Variants in ZNF536 observed in about 807,000 individuals in gnomAD.
ZNF536 encodes zinc finger protein 536.
Under a neutral mutation model 84.5 loss-of-function variants are expected in ZNF536, and 13 were observed. That is an observed-to-expected ratio of 0.15 (90% CI 0.10 to 0.24). The LOEUF (loss-of-function observed/expected upper bound fraction) is 0.24. Ranked by LOEUF, ZNF536 falls within the 10% of genes least tolerant of loss-of-function variation. The pLI, the probability that ZNF536 is intolerant of heterozygous loss-of-function variation, is 1.00. For missense variants in ZNF536, 1,536 were observed against 1,747.5 expected (o/e 0.88, Z 2.16); for synonymous variants, 811 against 742.5 (o/e 1.09, Z -1.50).
At chr19:30,317,261 G>C (rs1466527808) in intron 2 of ZNF536, among the ~76,000 whole-genome samples, 4 of 152,072 alleles carry the variant, frequency 2.6e-5, no homozygotes, top group Non-Finnish European at 4.4e-5. Context: ...AGAAACTGAG[G>C]GGCAGGGGGC....
intron 2 of ZNF536, among the ~76,000 whole-genome samples, chr19:30,489,999 G>T (rs2054446268): frequency 6.6e-6 from 1 of 152,170 alleles, no homozygotes; most frequent in Admixed American, 6.5e-5. Flanking sequence ...TCCTACCAGG[G>T]CCAAGCATGT....
chr19:30,229,051 T>TCGCGC (rs1305452047), intron 1 of ZNF536, among the ~76,000 whole-genome samples: 1 of 151,956 alleles, frequency 6.6e-6, no homozygotes, highest in Non-Finnish European at 1.5e-5. Flanking sequence ...CGGCTGCTGG[T>TCGCGC]CGCGCCGCGC....
Position 30,288,898 on chromosome 19 carries a change from A to G in ZNF536, c.-120+4757A>G, listed in dbSNP as rs577406517. On this transcript the variant is annotated intron_variant, in intron 2 of 5. Coordinates refer to the ZNF536 transcript ENST00000585628. Reference sequence around the variant, plus strand: ...TAATGAAAATGTAGGCCATTTTCAGATAATTAGGCTTTTCCTCTCAGTCTC... The same window carrying G: ...TAATGAAAATGTAGGCCATTTTCAGGTAATTAGGCTTTTCCTCTCAGTCTC... Among the ~76,000 whole-genome samples, 3 of 152,266 alleles carry G rather than the reference A, an allele frequency of 2.0e-5. No individual in the cohort carries two copies. In the South Asian group the frequency reaches 6.2e-4, roughly 32 times the overall value.
In ZNF536 at chr19:30,571,602, C is replaced by A. The variant is rs563334779; in HGVS notation, c.169+22088C>A. On this transcript the variant is annotated intron_variant, in intron 1 of 1. Transcript: ENST00000592773. Reference sequence around the variant, plus strand: ...GACTCTTTGCAGTCCATGCCCCCTTCTTGGTGCTGGCCCTACATGTTTCTC... The same window carrying A: ...GACTCTTTGCAGTCCATGCCCCCTTATTGGTGCTGGCCCTACATGTTTCTC... 7.2e-5 allele frequency among the ~76,000 whole-genome samples: 11 copies of A among 152,340 alleles called. No homozygotes were observed. The South Asian group carries it at 2.3e-3, about 32-fold the overall frequency.
chr19:30,636,097 A>G (rs1858453502), intron 1 of ZNF536, among the ~76,000 whole-genome samples: 1 of 152,144 alleles, frequency 6.6e-6, no homozygotes, highest in African/African-American at 2.4e-5. Flanking sequence ...TGGGCTTTGG[A>G]ATCTTGCTTG....
At chr19:30,404,024 T>C (rs2147560312) in intron 1 of ZNF536, among the ~76,000 whole-genome samples, 1 of 150,100 alleles carries the variant, frequency 6.7e-6, no homozygotes, top group East Asian at 1.9e-4. Context: ...TTCCTCTTTT[T>C]TTTTTTTTTT....
chr19:30,437,004 G>T (rs1279852559), intron 1 of ZNF536, among the ~76,000 whole-genome samples: 3 of 152,228 alleles, frequency 2.0e-5, no homozygotes, highest in African/African-American at 7.2e-5. Context: ...TGCTTGGCTA[G>T]ACAACAATAC....
chr19:30,412,053 T>A (rs2050517453), intron 1 of ZNF536, among the ~76,000 whole-genome samples: 1 of 151,970 alleles, frequency 6.6e-6, no homozygotes, highest in South Asian at 2.1e-4. Context: ...TTTTTTTTTA[T>A]ACAGGAAAGT....
intron 1 of ZNF536, among the ~76,000 whole-genome samples, chr19:30,579,842 G>A (rs1362844728): frequency 1.3e-5 from 2 of 152,088 alleles, no homozygotes; most frequent in Non-Finnish European, 2.9e-5. Context: ...ATGTTTTTCT[G>A]GTATGCTCTG....
intron 2 of ZNF536, among the ~76,000 whole-genome samples, chr19:30,456,308 C>CTTTTTTTTTTTTT (rs11301441): frequency 6.5e-5 from 7 of 108,080 alleles, no homozygotes; most frequent in African/African-American, 1.0e-4. Context: ...TGTTTCTTTT[C>CTTTTTTTTTTTTT]TTTTTTTTTT....
chr19:30,673,286 A>G (rs1296167288), intron 1 of ZNF536, among the ~76,000 whole-genome samples: 3 of 152,154 alleles, frequency 2.0e-5, no homozygotes, highest in African/African-American at 7.2e-5. Context: ...TCAGGGGCAC[A>G]CATGACATCA....
At chr19:30,700,218 T>TTCTTTCTTTCTTTCTTTCTCTCTCTC (rs2051864852) in intron 1 of ZNF536, among the ~76,000 whole-genome samples, 1 of 105,238 alleles carries the variant, frequency 9.5e-6, no homozygotes, top group African/African-American at 3.2e-5. Flanking sequence ...CTTTCCTTCT[T>TTCTTTCTTTCTTTCTTTCTCTCTCTC]TCTTTCTTTC....
chr19:30,436,945 G>A (rs80058061), intron 1 of ZNF536, among the ~76,000 whole-genome samples: 6,089 of 152,288 alleles, frequency 0.04, 174 homozygotes, highest in Middle Eastern at 0.095. Flanking sequence ...CAAGGCTTCC[G>A]AGGTAGCAGT....
intron 2 of ZNF536, among the ~76,000 whole-genome samples, chr19:30,462,202 T>A (rs1249258610): frequency 6.6e-6 from 1 of 152,114 alleles, no homozygotes; most frequent in Non-Finnish European, 1.5e-5. Context: ...CCACCTAAGA[T>A]GCTCTTGGAG....
chr19:30,667,746 T>C (rs1180984063), intron 1 of ZNF536, among the ~76,000 whole-genome samples: 2 of 150,412 alleles, frequency 1.3e-5, no homozygotes, highest in African/African-American at 4.9e-5. Flanking sequence ...GGATATAGAG[T>C]ACATGAACAG....
At position 30,445,356 on chromosome 19, in the gene ZNF536, C is replaced by A. The variant is rs1255298532; in HGVS notation, c.1794C>A (p.Leu598=). 6.2e-7 allele frequency: 1 copy of A among 1,614,140 alleles called. No individual in the cohort carries two copies. The highest frequency in any genetic ancestry group is 1.3e-5 in the African/African-American group (1 of 75,046). The change falls in exon 2 of 5, where the codon CTC becomes CTA. Residue 598 remains leucine (L), a synonymous_variant. Coordinates refer to ENST00000355537, the MANE Select transcript of ZNF536 (RefSeq NM_014717.3). The surrounding 1 kb of genome is among the most constrained non-coding windows in gnomAD (Gnocchi z 4.5). ...GCCAGAGAGACCTGCCAAGTAAGCT[C>A]GACCCTTTAGAAAGCAGTCGGGATT... is the stretch of plus-strand genomic sequence containing the variant. ...VGSQRDLPSK[L]DPLESSRDFL...
At chr19:30,255,376 G>A (rs1252077089) in intron 1 of ZNF536, among the ~76,000 whole-genome samples, 1 of 152,162 alleles carries the variant, frequency 6.6e-6, no homozygotes, top group African/African-American at 2.4e-5. Flanking sequence ...ATGACCCTGC[G>A]AGAGTGGACA....
chr19:30,240,779 T>C (rs1210286063), intron 1 of ZNF536, among the ~76,000 whole-genome samples: 1 of 152,124 alleles, frequency 6.6e-6, no homozygotes, highest in East Asian at 1.9e-4. Context: ...ATTAGTTGAA[T>C]AGATGAACAA....
Position 30,444,052 on chromosome 19 carries a change from G to A in ZNF536, c.490G>A (p.Asp164Asn). 1.9e-6 allele frequency: 3 copies of A among 1,613,568 alleles called. No homozygotes were observed. Among genetic ancestry groups the A allele is most frequent in the Non-Finnish European group, 1.7e-6 (2 of 1,180,012 alleles). ...GEKPFKCPYC[D>N]HRAAQKGNLK... ...GAAGCCCTTCAAGTGCCCGTACTGC[G>A]ACCACAGGGCGGCGCAGAAGGGGAA... The change falls in exon 2 of 5, where the codon GAC becomes AAC. Residue 164 changes from aspartate to asparagine, a missense_variant. By Grantham distance (23) the Asp-to-Asn change is conservative (BLOSUM62 1). Coordinates refer to ENST00000355537, the MANE Select transcript of ZNF536 (RefSeq NM_014717.3).
Sources: allele counts gnomAD v4.1 joint callset (sites outside exome capture counted in the v4.1 genomes callset), GRCh38; gene constraint gnomAD v4.1.1; non-coding constraint Gnocchi (gnomAD v3.1); transcripts MANE v1.5; gene names NCBI Gene and HGNC (gene_info 2026-07-23, HGNC 2026-07-21).